The following DAB1 variants were observed in gnomAD, a reference collection of about 807,000 sequenced individuals.
DAB1 encodes the protein disabled homolog 1.
In DAB1, 15 loss-of-function variants were observed where a neutral mutation model predicts 64.6. The observed-to-expected ratio is 0.23, with a 90% CI of 0.16 to 0.36. The LOEUF (loss-of-function observed/expected upper bound fraction) is 0.36, where lower values mean the gene tolerates loss of function less well. DAB1 is among the 10% of genes least tolerant of loss of function. The pLI, the probability that DAB1 is intolerant of heterozygous loss-of-function variation, is 1.00. For synonymous variants in DAB1, 235 were observed against 251.9 expected, an observed-to-expected ratio of 0.93 and a Z score of 0.64; for missense variants, 596 against 706.7, an observed-to-expected ratio of 0.84 and a Z score of 1.78.
rs984528354 is a variant in DAB1 at position 57,688,564 on chromosome 1, G to T, written n.552-38899C>A. On this transcript the variant is annotated intron_variant and non_coding_transcript_variant, in intron 6 of 20. Transcript: ENST00000485760. The stretch of plus-strand genomic sequence containing the variant: ...ATTTGACCCAGCAATACCATTACTG[G>T]GTACGTACCCAAAGGAAAATAGATC... 5.3e-5 allele frequency among the ~76,000 whole-genome samples: 8 copies of T among 151,920 alleles called. No individual in the cohort carries two copies. In the South Asian group the frequency reaches 1.5e-3, roughly 28 times the overall value.
chr1:57,371,691 G>A (rs943256824), intron 1 of DAB1, among the ~76,000 whole-genome samples: 4 of 152,154 alleles, frequency 2.6e-5, no homozygotes, highest in Non-Finnish European at 5.9e-5. Context: ...TAGTGCTCAG[G>A]TTTGCATCTA....
At chr1:58,314,267 G>T (rs1662500389) in intron 4 of DAB1, among the ~76,000 whole-genome samples, 2 of 152,112 alleles carry the variant, frequency 1.3e-5, no homozygotes, top group African/African-American at 4.8e-5. Context: ...AAGCCATGTT[G>T]TCTGGTCTGT....
intron 3 of DAB1, among the ~76,000 whole-genome samples, chr1:58,458,411 T>TGG (rs1338397020): frequency 2.6e-5 from 4 of 152,214 alleles, no homozygotes; most frequent in Non-Finnish European, 5.9e-5. Context: ...CTGGTCAATT[T>TGG]GGAGCCAGGA....
intron 1 of DAB1, among the ~76,000 whole-genome samples, chr1:57,406,187 C>T (rs887151403): frequency 1.3e-5 from 2 of 152,218 alleles, no homozygotes; most frequent in African/African-American, 4.8e-5. Flanking sequence ...TTCCATCACA[C>T]CTCACCCTGT....
chr1:58,283,776 G>A (rs1248558932), intron 4 of DAB1, among the ~76,000 whole-genome samples: 1 of 152,168 alleles, frequency 6.6e-6, no homozygotes, highest in Non-Finnish European at 1.5e-5. Flanking sequence ...CCTCCCACAA[G>A]CTTCATCTTC....
chr1:58,541,293 CAAAAAAAAAAAAAAA>C (rs71043292), intron 1 of DAB1, among the ~76,000 whole-genome samples: 185 of 27,520 alleles, frequency 6.7e-3, no homozygotes, highest in Admixed American at 0.025. Flanking sequence ...GACTCTGTCT[CAAAAAAAAAAAAAAA>C]AAAAAAAAAA....
intron 2 of DAB1, among the ~76,000 whole-genome samples, chr1:57,258,714 C>G (rs954671357): frequency 1.3e-5 from 2 of 152,150 alleles, no homozygotes; most frequent in Non-Finnish European, 2.9e-5. Flanking sequence ...AATTGTTCGA[C>G]AGGATTTGCT....
intron 14 of DAB1, among the ~76,000 whole-genome samples, chr1:56,998,812 A>C (rs1289896592): frequency 1.3e-5 from 2 of 152,130 alleles, no homozygotes; most frequent in Non-Finnish European, 2.9e-5. Context: ...GTCCTGAAAC[A>C]CATACAGGGA....
intron 4 of DAB1, among the ~76,000 whole-genome samples, chr1:58,209,559 A>G (rs1658448792): frequency 6.6e-6 from 1 of 152,180 alleles, no homozygotes; most frequent in African/African-American, 2.4e-5. Flanking sequence ...GCCATTGCAT[A>G]ATGTTTTCTT....
intron 3 of DAB1, among the ~76,000 whole-genome samples, chr1:58,398,771 G>A (rs1344754810): frequency 2.0e-5 from 3 of 152,202 alleles, no homozygotes; most frequent in Admixed American, 1.3e-4. Context: ...AGCAGAGGAA[G>A]GCTGGCTCCT....
intron 1 of DAB1, among the ~76,000 whole-genome samples, chr1:57,372,425 A>G (rs1041764127): frequency 2.6e-4 from 40 of 152,230 alleles, no homozygotes; most frequent in African/African-American, 8.9e-4. Context: ...TAACTCAGGC[A>G]TCAGACAATC....
chr1:57,227,581 G>A (rs1020566030), intron 2 of DAB1, among the ~76,000 whole-genome samples: 4 of 149,020 alleles, frequency 2.7e-5, no homozygotes, highest in African/African-American at 9.9e-5. Flanking sequence ...GTTGAAATAA[G>A]AGTCTCCCTC....
intron 4 of DAB1, among the ~76,000 whole-genome samples, chr1:58,270,388 G>A (rs1226124635): frequency 2.3e-5 from 3 of 130,160 alleles, no homozygotes; most frequent in East Asian, 4.7e-4. Context: ...CTATATCTCT[G>A]TTTTGGTACC....
intron 2 of DAB1, among the ~76,000 whole-genome samples, chr1:57,198,984 C>G (rs562585034): frequency 2.0e-5 from 3 of 152,230 alleles, no homozygotes; most frequent in African/African-American, 4.8e-5. Flanking sequence ...AGATATGCAC[C>G]ATGGGCACCC....
chr1:58,018,457 T>A (rs1313226637), intron 5 of DAB1, among the ~76,000 whole-genome samples: 1 of 152,160 alleles, frequency 6.6e-6, no homozygotes, highest in Non-Finnish European at 1.5e-5. Flanking sequence ...ATGCTGTATG[T>A]AATAGGCTTT....
chr1:58,224,307 A>G (rs1028465523), intron 4 of DAB1, among the ~76,000 whole-genome samples: 2 of 152,226 alleles, frequency 1.3e-5, no homozygotes, highest in African/African-American at 2.4e-5. Flanking sequence ...CAGGTATTTA[A>G]TAAGCAGTAA....
intron 1 of DAB1, chr1:57,387,284 C>G (rs1259102330): frequency 6.6e-6 from 1 of 152,140 alleles, no homozygotes; most frequent in African/African-American, 2.4e-5. Context: ...GAATAAACCC[C>G]TAATAACCCA....
intron 4 of DAB1, among the ~76,000 whole-genome samples, chr1:58,184,914 T>A (rs1447607588): frequency 6.6e-6 from 1 of 152,162 alleles, no homozygotes; most frequent in Non-Finnish European, 1.5e-5. Flanking sequence ...GAGATTGATA[T>A]GGCTGAATAT....
At chr1:57,033,337 A>C (rs746754309) in intron 9 of DAB1, 1 of 1,576,264 alleles carries the variant, frequency 6.3e-7, no homozygotes, top group South Asian at 1.1e-5. Flanking sequence ...TATGGAATGC[A>C]TGAGTATGAG....
Sources: allele counts gnomAD v4.1 joint callset (sites outside exome capture counted in the v4.1 genomes callset), GRCh38; gene constraint gnomAD v4.1.1; transcripts MANE v1.5; gene names NCBI Gene and HGNC (gene_info 2026-07-23, HGNC 2026-07-21).